POU5F2: variants seen among roughly 807,000 people sequenced by gnomAD.
POU5F2 encodes the protein POU domain class 5, transcription factor 2.
For missense variants in POU5F2, 401 were observed against 426.6 expected (o/e 0.94, Z 0.53); for synonymous variants, 191 against 178.7 (o/e 1.07, Z -0.55).
rs1268679580 is a variant in POU5F2 at position 93,736,439 on chromosome 5, G to C, written c.*4138C>G. The C allele has an allele frequency of 1.3e-5, 2 of 152,214 alleles. No individual in the cohort carries two copies. Among genetic ancestry groups the C allele is most frequent in the Non-Finnish European group, 2.9e-5 (2 of 68,036 alleles). 9.4% of individuals were successfully genotyped at this position (152,214 alleles called of 1,614,324 possible). The stretch of plus-strand genomic sequence containing the variant: ...CACCAAAAGTTCATTCCTGAAAGCT[G>C]AGCTACATCTGGGCTACTTCATGTT... On this transcript the variant is annotated 3_prime_UTR_variant, in exon 1 of 1. Transcript: ENST00000606183.
In POU5F2 at chr5:93,737,179, C is replaced by T. The variant is rs759357589; in HGVS notation, c.*3398G>A. On this transcript the variant is annotated 3_prime_UTR_variant, in exon 1 of 1. Coordinates refer to ENST00000606183, the MANE Select transcript of POU5F2 (RefSeq NM_153216.2). The stretch of plus-strand genomic sequence containing the variant: ...CAATTTCAAAAGGAAATGAAGGAAA[C>T]TATTCCATTTACAGTAGTATCCAAA... 3 of 152,122 alleles carry T rather than the reference C, an allele frequency of 2.0e-5. No homozygotes were observed. Among genetic ancestry groups the T allele is most frequent in the African/African-American group, 4.8e-5 (2 of 41,420 alleles). 9.4% of individuals were successfully genotyped at this position (152,122 alleles called of 1,614,324 possible).
rs1748165899 is a variant in POU5F2, at chr5:93,740,521, G to T, written c.*56C>A. ...AAATGAACCCTAGGGACATTTCCTG[G>T]GTTTTCCCTTCTTCTCCCCTCTCCA... On this transcript the variant is annotated 3_prime_UTR_variant, in exon 1 of 1. Transcript: ENST00000606183. The T allele has an allele frequency of 1.3e-6, 2 of 1,511,774 alleles. No individual in the cohort carries two copies. The highest frequency in any genetic ancestry group is 1.8e-6 in the Non-Finnish European group (2 of 1,124,382). The allele number at this position is 1,511,774 out of a possible 1,614,324, so 93.6% of individuals were successfully genotyped here.
chr5:93,741,475 T>C lies in POU5F2; in HGVS notation c.89A>G (p.Asp30Gly). 6.2e-7 allele frequency: 1 copy of C among 1,613,364 alleles called. No homozygotes were observed. Among genetic ancestry groups the C allele is most frequent in the Non-Finnish European group, 8.5e-7 (1 of 1,179,710 alleles). Residue 30 changes from aspartate to glycine, a missense_variant, in exon 1 of 1, where the codon GAC becomes GGC. By Grantham distance (94) the Asp-to-Gly change is moderately conservative. Transcript: ENST00000606183. ...CTGGGTGCTCAACCAGGTCAGAGTGTCAACCCGCAGGGGCATCGGCCCTCT... is the reference window on the plus strand; with the variant it reads ...CTGGGTGCTCAACCAGGTCAGAGTGCCAACCCGCAGGGGCATCGGCCCTCT... Reference protein sequence around the residue: ...GPRGPMPLRVDTLTWLSTQAA... With the variant: ...GPRGPMPLRVGTLTWLSTQAA...
In POU5F2 at chr5:93,738,907, T is replaced by C. The variant is rs1349188964; in HGVS notation, c.*1670A>G. ...TGTGAATGTAATTAATGTCACTGAATTTACACTTAAAATCATTACAATGGC... is the reference window on the plus strand; with the variant it reads ...TGTGAATGTAATTAATGTCACTGAACTTACACTTAAAATCATTACAATGGC... On this transcript the variant is annotated 3_prime_UTR_variant, in exon 1 of 1. Transcript: ENST00000606183. 1 of 152,334 alleles carries C rather than the reference T, an allele frequency of 6.6e-6. No homozygotes were observed. The highest frequency in any genetic ancestry group is 1.5e-5 in the Non-Finnish European group (1 of 68,036). The allele number at this position is 152,334 out of a possible 1,614,324, so 9.4% of individuals were successfully genotyped here. A position where few individuals can be genotyped will look rare whatever the true frequency, so the allele number is the denominator to read the frequency against.
Position 93,740,596 on chromosome 5 carries a change from A to C in POU5F2, c.968T>G (p.Leu323Arg), listed in dbSNP as rs757713597. 1.9e-6 allele frequency: 3 copies of C among 1,598,188 alleles called. No individual in the cohort carries two copies. Among genetic ancestry groups the C allele is most frequent in the Middle Eastern group, 1.7e-4 (1 of 6,028 alleles). The change falls in exon 1 of 1, where the codon CTG becomes CGG. Residue 323 changes from leucine (L) to arginine (R), a missense_variant. Physicochemically the swap from Leu to Arg is moderately radical, Grantham distance 102 (BLOSUM62 -2). Transcript: ENST00000606183. ...TCAGCCCTAAAATCTGAGGAGGCCC[A>C]GAGTGGTGGCTGGGGCAGAGGAGTG... Reference protein sequence around the residue: ...VAHSSAPATTLGLLRF With the variant: ...VAHSSAPATTRGLLRF
In POU5F2 at chr5:93,740,888, C is replaced by T. The variant is rs1487496077; in HGVS notation, c.676G>A (p.Glu226Lys). Residue 226 changes from glutamate to lysine, a missense_variant, in exon 1 of 1, where the codon GAG becomes AAG. Physicochemically the swap from Glu to Lys is moderately conservative, Grantham distance 56. Transcript: ENST00000606183. ...TTAGGGCACCGCTGGAAGAATTTCTCCAGGCTGTTTCCGATTCGTCGCTCT... is the reference window on the plus strand; with the variant it reads ...TTAGGGCACCGCTGGAAGAATTTCTTCAGGCTGTTTCCGATTCGTCGCTCT... Reference protein sequence around the residue: ...SRERRIGNSLEKFFQRCPKPT... With the variant: ...SRERRIGNSLKKFFQRCPKPT... The T allele has an allele frequency of 1.2e-6, 2 of 1,614,012 alleles. No individual in the cohort carries two copies. The highest frequency in any genetic ancestry group is 1.1e-5 in the South Asian group (1 of 91,082).
chr5:93,741,559 G>C lies in POU5F2; in HGVS notation c.5C>G (p.Ala2Gly), dbSNP rs993920752. 3 of 1,548,960 alleles carry C rather than the reference G, an allele frequency of 1.9e-6. No individual in the cohort carries two copies. Among genetic ancestry groups the C allele is most frequent in the Non-Finnish European group, 8.7e-7 (1 of 1,148,704 alleles). Residue 2 changes from alanine to glycine, a missense_variant, in exon 1 of 1, where the codon GCC becomes GGC. Coordinates refer to ENST00000606183, the MANE Select transcript of POU5F2 (RefSeq NM_153216.2). M[A>G]GHRPSNHFCP... ...GAAGTGGTTTGAGGGCCTGTGTCCG[G>C]CCATGGGTGGAATGGCACCCGCAGC...
rs1165171747 is a variant in POU5F2 at position 93,740,994 on chromosome 5, T to C, written c.570A>G (p.Glu190=). 1.2e-6 allele frequency: 2 copies of C among 1,613,752 alleles called. No homozygotes were observed. Among genetic ancestry groups the C allele is most frequent in the Non-Finnish European group, 1.7e-6 (2 of 1,179,890 alleles). Residue 190 remains glutamate, a synonymous_variant, in exon 1 of 1, where the codon GAA becomes GAG. Coordinates refer to ENST00000606183, the MANE Select transcript of POU5F2 (RefSeq NM_153216.2). The stretch of plus-strand genomic sequence containing the variant: ...AGCCCAGAAGGTTCTCTGCTTCCAC[T>C]TCCTTCAGCCACTTTTTCAGCAGTG... ...LRPLLKKWLK[E]VEAENLLGLC... is the part of the protein sequence containing the mutation.
chr5:93,737,250 A>G lies in POU5F2; in HGVS notation c.*3327T>C, dbSNP rs1747415786. 1 of 152,220 alleles carries G rather than the reference A, an allele frequency of 6.6e-6. No homozygotes were observed. The highest frequency in any genetic ancestry group is 6.5e-5 in the Admixed American group (1 of 15,286). The allele number at this position is 152,220 out of a possible 1,614,324, so 9.4% of individuals were successfully genotyped here. On this transcript the variant is annotated 3_prime_UTR_variant, in exon 1 of 1. Coordinates refer to ENST00000606183, the MANE Select transcript of POU5F2 (RefSeq NM_153216.2). Reference sequence around the variant, plus strand: ...AACTTTAAGAAAGTGAAAGGCTTGTACACTGAAAACTAAAACACTGCTCAA... The same window carrying G: ...AACTTTAAGAAAGTGAAAGGCTTGTGCACTGAAAACTAAAACACTGCTCAA...
rs1748344261 is a variant in POU5F2, at chr5:93,741,135, C to A, written c.429G>T (p.Ser143=). The A allele has an allele frequency of 1.9e-6, 3 of 1,613,854 alleles. No homozygotes were observed. Among genetic ancestry groups the A allele is most frequent in the Non-Finnish European group, 2.5e-6 (3 of 1,179,882 alleles). ...LRQKRLSLGY[S]QADVGIAVGA... ...CCACAGCGATCCCCACATCGGCCTG[C>A]GAGTACCCTAGGCTCAACCTCTTCT... The change falls in exon 1 of 1, where the codon TCG becomes TCT. Residue 143 remains serine, a synonymous_variant. Transcript: ENST00000606183.
In POU5F2 at chr5:93,741,537, G is replaced by A. The variant is rs1228999974; in HGVS notation, c.27C>T (p.His9=). MAGHRPSN[H]FCPLPGSGGG... ...CACCACTGCCTGGAAGGGGGCAGAA[G>A]TGGTTTGAGGGCCTGTGTCCGGCCA... Residue 9 remains histidine, a synonymous_variant, in exon 1 of 1, where the codon CAC becomes CAT. Coordinates refer to ENST00000606183, the MANE Select transcript of POU5F2 (RefSeq NM_153216.2). 1.3e-6 allele frequency: 2 copies of A among 1,592,516 alleles called. No individual in the cohort carries two copies. The highest frequency in any genetic ancestry group is 8.5e-7 in the Non-Finnish European group (1 of 1,170,082).
rs1746827810 is a variant in POU5F2, at chr5:93,734,654, T to G, written c.*5923A>C. The G allele has an allele frequency of 6.6e-6, 1 of 152,056 alleles. No individual in the cohort carries two copies. The highest frequency in any genetic ancestry group is 2.1e-4 in the South Asian group (1 of 4,822). 9.4% of individuals were successfully genotyped at this position (152,056 alleles called of 1,614,324 possible). On this transcript the variant is annotated 3_prime_UTR_variant, in exon 1 of 1. Transcript: ENST00000606183. ...GATCTATTGGAGTCGGGAGTTGAAA[T>G]TTATTTTTAAAATTAAGGCAGGGGA... is the stretch of plus-strand genomic sequence containing the variant.
At position 93,740,318 on chromosome 5, in the gene POU5F2, C is replaced by CTA. The variant is rs1748120705; in HGVS notation, c.*257_*258dup. The CTA allele has an allele frequency of 2.3e-6, 1 of 427,054 alleles. No individual in the cohort carries two copies. Among genetic ancestry groups the CTA allele is most frequent in the Non-Finnish European group, 4.1e-6 (1 of 241,886 alleles). 26.5% of individuals were successfully genotyped at this position (427,054 alleles called of 1,614,324 possible). A position where few individuals can be genotyped will look rare whatever the true frequency, so the allele number is the denominator to read the frequency against. On this transcript the variant is annotated 3_prime_UTR_variant, in exon 1 of 1. Transcript: ENST00000606183. ...AAAAGGAACAAAATATCGAAACCAT[C>CTA]TATATACTGTAATGTACCTTTAAAC...
rs1748024482 is a variant in POU5F2 at position 93,739,925 on chromosome 5, C to A, written c.*652G>T. ...CAGGACAAGACATAGTCCCATGGGA[C>A]TACATAAAGTAGGGAGAGGAACTGA... On this transcript the variant is annotated 3_prime_UTR_variant, in exon 1 of 1. Transcript: ENST00000606183. 6.9e-6 allele frequency: 1 copy of A among 145,602 alleles called. No homozygotes were observed. The highest frequency in any genetic ancestry group is 2.6e-5 in the African/African-American group (1 of 38,862). 9.0% of individuals were successfully genotyped at this position (145,602 alleles called of 1,614,324 possible).
Position 93,736,069 on chromosome 5 carries a change from C to G in POU5F2, c.*4508G>C, listed in dbSNP as rs1321405888. 6.6e-6 allele frequency: 1 copy of G among 152,084 alleles called. No homozygotes were observed. The highest frequency in any genetic ancestry group is 1.5e-5 in the Non-Finnish European group (1 of 68,018). The allele number at this position is 152,084 out of a possible 1,614,324, so 9.4% of individuals were successfully genotyped here. ...CTGTAGTGTGGAATTCATTTCCACA[C>G]TTTTTATCCAGTGCCGTATTTTGGG... On this transcript the variant is annotated 3_prime_UTR_variant, in exon 1 of 1. Transcript: ENST00000606183.
Position 93,740,867 on chromosome 5 carries a change from G to A in POU5F2, c.697C>T (p.Pro233Ser). Residue 233 changes from proline (P) to serine (S), a missense_variant, in exon 1 of 1, where the codon CCT becomes TCT. Coordinates refer to ENST00000606183, the MANE Select transcript of POU5F2 (RefSeq NM_153216.2). Reference protein sequence around the residue: ...NSLEKFFQRCPKPTPQQISHI... With the variant: ...NSLEKFFQRCSKPTPQQISHI... Reference sequence around the variant, plus strand: ...CTGATTTGCTGGGGTGTGGGCTTAGGGCACCGCTGGAAGAATTTCTCCAGG... The same window carrying A: ...CTGATTTGCTGGGGTGTGGGCTTAGAGCACCGCTGGAAGAATTTCTCCAGG... 1 of 1,613,962 alleles carries A rather than the reference G, an allele frequency of 6.2e-7. No homozygotes were observed. Among genetic ancestry groups the A allele is most frequent in the South Asian group, 1.1e-5 (1 of 91,072 alleles).
Position 93,741,445 on chromosome 5 carries a change from G to A in POU5F2, c.119C>T (p.Ala40Val), listed in dbSNP as rs1466247165. ...DTLTWLSTQAAPGRVMVWPAV... is the reference protein window; with the variant it reads ...DTLTWLSTQAVPGRVMVWPAV... Reference sequence around the variant, plus strand: ...CGGCCAGACCATCACCCTGCCAGGGGCCGCCTGGGTGCTCAACCAGGTCAG... The same window carrying A: ...CGGCCAGACCATCACCCTGCCAGGGACCGCCTGGGTGCTCAACCAGGTCAG... The change falls in exon 1 of 1, where the codon GCC becomes GTC. Residue 40 changes from alanine (A) to valine (V), a missense_variant. Transcript: ENST00000606183. 3.1e-6 allele frequency: 5 copies of A among 1,613,402 alleles called. No homozygotes were observed. The South Asian group carries it at 5.5e-5, about 18-fold the overall frequency.
rs1428566561 is a variant in POU5F2, at chr5:93,737,969, C to G, written c.*2608G>C. On this transcript the variant is annotated 3_prime_UTR_variant, in exon 1 of 1. Coordinates refer to ENST00000606183, the MANE Select transcript of POU5F2 (RefSeq NM_153216.2). The stretch of plus-strand genomic sequence containing the variant: ...AGCAACAAAAGAAAAAATGGATAAG[C>G]TGGACTTAATAAAAATTAAAGTCTG... 1.2e-5 allele frequency: 5 copies of G among 433,620 alleles called. No homozygotes were observed. The highest frequency in any genetic ancestry group is 1.4e-5 in the Non-Finnish European group (3 of 220,354). The allele number at this position is 433,620 out of a possible 1,614,324, so 26.9% of individuals were successfully genotyped here.
Position 93,741,222 on chromosome 5 carries a change from C to A in POU5F2, c.342G>T (p.Pro114=). ...GTATGCCCGAGATGTCCTCTGGCGG[C>A]GGCAACTTCGGAATGCTCCGCAGGG... ...YIALRSIPKL[P]PPEDISGILK... Residue 114 remains proline (P), a synonymous_variant, in exon 1 of 1, where the codon CCG becomes CCT. Coordinates refer to ENST00000606183, the MANE Select transcript of POU5F2 (RefSeq NM_153216.2). 6.2e-7 allele frequency: 1 copy of A among 1,613,834 alleles called. No homozygotes were observed. The highest frequency in any genetic ancestry group is 8.5e-7 in the Non-Finnish European group (1 of 1,179,882).
Sources: gnomAD v4.1 joint callset for allele counts on GRCh38, gnomAD v4.1.1 for gene constraint, MANE v1.5 for transcripts, NCBI Gene and HGNC (gene_info 2026-07-23, HGNC 2026-07-21) for gene names.